The following BCHE variants were observed in gnomAD, a reference collection of about 807,000 sequenced individuals.
BCHE encodes butyrylcholinesterase.
A neutral mutation model predicts 51.3 loss-of-function variants in BCHE; 48 were observed. That is an observed-to-expected ratio of 0.94 (90% CI 0.74 to 1.19). BCHE has a LOEUF of 1.19. BCHE is among the 50% of genes most tolerant of loss of function. The pLI, the probability that BCHE is intolerant of heterozygous loss-of-function variation, is 0.00. For synonymous variants in BCHE, 251 were observed against 238.0 expected (o/e 1.05, Z -0.50); for missense variants, 847 against 708.2 (o/e 1.20, Z -2.23).
At chr3:165,808,036 T>C (rs1713934307) in intron 2 of BCHE, among the ~76,000 whole-genome samples, 1 of 152,048 alleles carries the variant, frequency 6.6e-6, no homozygotes, top group African/African-American at 2.4e-5. Flanking sequence ...CAGGCTGCAG[T>C]GCAGTGGCGC....
At chr3:165,785,169 A>C (rs147012714) in intron 3 of BCHE, among the ~76,000 whole-genome samples, 263 of 152,016 alleles carry the variant, frequency 1.7e-3, no homozygotes, top group African/African-American at 6.2e-3. Context: ...AAACTAGCCC[A>C]CAACTTATCT....
chr3:165,773,313 T>TA lies in BCHE; in HGVS notation c.*68dup, dbSNP rs1712326976. The stretch of plus-strand genomic sequence containing the variant: ...CATAATAACTTTTTTAGTAGGTGTG[T>TA]AAAAAAGCTCCTGATATTTTTGCCT... On this transcript the variant is annotated 3_prime_UTR_variant, in exon 4 of 4. Transcript: ENST00000264381. The TA allele has an allele frequency of 6.8e-7, 1 of 1,478,552 alleles. No homozygotes were observed. Among genetic ancestry groups the TA allele is most frequent in the Admixed American group, 1.9e-5 (1 of 54,032 alleles). 91.6% of individuals were successfully genotyped at this position (1,478,552 alleles called of 1,614,324 possible).
intron 2 of BCHE, among the ~76,000 whole-genome samples, chr3:165,808,835 T>A (rs1279667690): frequency 6.6e-6 from 1 of 152,128 alleles, no homozygotes; most frequent in Non-Finnish European, 1.5e-5. Flanking sequence ...TAATTTTGAA[T>A]CACATCTAGG....
Position 165,830,856 on chromosome 3 carries a change from G to T in BCHE, c.178C>A (p.Pro60Thr), listed in dbSNP as rs1467891843. Reference sequence around the variant, plus strand: ...CTACCAAGAGGTGGCTGTGCATAGGGAATTCCAAGAAAGGCTGTTACCGTG... The same window carrying T: ...CTACCAAGAGGTGGCTGTGCATAGGTAATTCCAAGAAAGGCTGTTACCGTG... ...GGTVTAFLGI[P>T]YAQPPLGRLR... The change falls in exon 2 of 4, where the codon CCC (proline) becomes ACC (threonine). Residue 60 changes from proline to threonine, a missense_variant. Transcript: ENST00000264381. The T allele has an allele frequency of 6.2e-7, 1 of 1,613,822 alleles. No homozygotes were observed. Among genetic ancestry groups the T allele is most frequent in the African/African-American group, 1.3e-5 (1 of 74,902 alleles).
chr3:165,786,253 G>A lies in BCHE; in HGVS notation c.1576C>T (p.Gln526Ter), dbSNP rs1057517144. 2 of 1,611,920 alleles carry A rather than the reference G, an allele frequency of 1.2e-6. No individual in the cohort carries two copies. The change falls in exon 3 of 4, where the codon CAA becomes TAA. Residue 526 changes from glutamine to a stop codon, truncating the protein, a stop_gained. Transcript: ENST00000264381. LOFTEE classifies it high-confidence loss of function. ...TCTGTATTCAAGGTTAGATATTTTT[G>A]TTCAGTGCTTTTGAAGACAGGCCAG... is the stretch of plus-strand genomic sequence containing the variant. The part of the protein sequence containing the change: ...TSWPVFKSTE[Q>*]KYLTLNTEST...
At chr3:165,798,513 G>A (rs1713510551) in intron 2 of BCHE, among the ~76,000 whole-genome samples, 1 of 152,072 alleles carries the variant, frequency 6.6e-6, no homozygotes, top group African/African-American at 2.4e-5. Context: ...TTATTATTCA[G>A]ATTATATAGA....
chr3:165,793,723 A>G (rs372731338), intron 2 of BCHE, among the ~76,000 whole-genome samples: 22 of 152,308 alleles, frequency 1.4e-4, no homozygotes, highest in South Asian at 6.2e-4. Context: ...TGTTGTGGCA[A>G]TCAGACACCC....
chr3:165,815,795 A>G (rs978618047), intron 2 of BCHE, among the ~76,000 whole-genome samples: 3 of 152,048 alleles, frequency 2.0e-5, no homozygotes, highest in African/African-American at 7.2e-5. Context: ...GACATTACAT[A>G]ATACTTCTAT....
At chr3:165,774,127 A>T (rs2686406) in intron 3 of BCHE, among the ~76,000 whole-genome samples, 1 of 151,958 alleles carries the variant, frequency 6.6e-6, no homozygotes, top group African/African-American at 2.4e-5. Context: ...ATATTGTTTA[A>T]GGAATAATGA....
chr3:165,808,905 A>T (rs763503446), intron 2 of BCHE, among the ~76,000 whole-genome samples: 2 of 152,228 alleles, frequency 1.3e-5, no homozygotes, highest in South Asian at 2.1e-4. Flanking sequence ...CATATACTGC[A>T]GAAAAATGCT....
Position 165,818,530 on chromosome 3 carries a change from A to C in BCHE, c.1517+10987T>G, listed in dbSNP as rs146552622. On this transcript the variant is annotated intron_variant, in intron 2 of 3. Coordinates refer to ENST00000264381, the MANE Select transcript of BCHE (RefSeq NM_000055.4). ...TTAGTTGTGTGACCTAAACTTTCCA[A>C]TCATCAGTAGCTTTCTTTGTAAAAT... Among the ~76,000 whole-genome samples, 9 of 152,278 alleles carry C rather than the reference A, an allele frequency of 5.9e-5. No individual in the cohort carries two copies. The East Asian group carries it at 1.7e-3, about 29-fold the overall frequency.
intron 2 of BCHE, among the ~76,000 whole-genome samples, chr3:165,808,174 A>G (rs904975086): frequency 6.6e-6 from 1 of 151,772 alleles, no homozygotes; most frequent in Admixed American, 6.6e-5. Flanking sequence ...TTTAGTAGAG[A>G]CGAGGTTTCA....
At chr3:165,834,483 T>C (rs1476092931) in intron 1 of BCHE, among the ~76,000 whole-genome samples, 1 of 151,950 alleles carries the variant, frequency 6.6e-6, no homozygotes, top group Non-Finnish European at 1.5e-5. Context: ...TACTTTAATA[T>C]AAAAATATGC....
At chr3:165,800,897 T>G (rs2108213901) in intron 2 of BCHE, among the ~76,000 whole-genome samples, 1 of 152,250 alleles carries the variant, frequency 6.6e-6, no homozygotes, top group South Asian at 2.1e-4. Flanking sequence ...ATAAATTGAT[T>G]AATAGATATT....
At chr3:165,836,092 T>A (rs758104436) in intron 1 of BCHE, among the ~76,000 whole-genome samples, 1 of 151,670 alleles carries the variant, frequency 6.6e-6, no homozygotes, top group Non-Finnish European at 1.5e-5. Flanking sequence ...ATGGAATACA[T>A]CCCAAACATA....
intron 1 of BCHE, among the ~76,000 whole-genome samples, chr3:165,833,828 A>G (rs558224199): frequency 4.6e-4 from 70 of 152,142 alleles, no homozygotes; most frequent in African/African-American, 1.3e-3. Flanking sequence ...TGGGAAGAAA[A>G]AGTGAATAAG....
At chr3:165,828,482 C>A (rs1203410443) in intron 2 of BCHE, among the ~76,000 whole-genome samples, 1 of 152,024 alleles carries the variant, frequency 6.6e-6, no homozygotes, top group Non-Finnish European at 1.5e-5. Flanking sequence ...CATACAGTAA[C>A]ATGAAATACA....
chr3:165,791,475 T>A (rs1231228253), intron 2 of BCHE, among the ~76,000 whole-genome samples: 1 of 152,126 alleles, frequency 6.6e-6, no homozygotes, highest in African/African-American at 2.4e-5. Context: ...ATTGAAATAA[T>A]TAGTCAGATC....
chr3:165,830,406 T>A lies in BCHE; in HGVS notation c.628A>T (p.Ile210Leu). 1 of 1,614,010 alleles carries A rather than the reference T, an allele frequency of 6.2e-7. No individual in the cohort carries two copies. Among genetic ancestry groups the A allele is most frequent in the Non-Finnish European group, 8.5e-7 (1 of 1,179,920 alleles). ...TTAGGATTTCCACCAAAGGCTGCTA[T>A]ATTTTTTTGAACCCACTGAAGAGCC... ...QLALQWVQKNIAAFGGNPKSV... is the reference protein window; with the variant it reads ...QLALQWVQKNLAAFGGNPKSV... The change falls in exon 2 of 4, where the codon ATA becomes TTA. Residue 210 changes from isoleucine (I) to leucine (L), a missense_variant. Physicochemically the swap from Ile to Leu is conservative, Grantham distance 5 (BLOSUM62 2). Coordinates refer to ENST00000264381, the MANE Select transcript of BCHE (RefSeq NM_000055.4).
Sources: allele counts gnomAD v4.1 joint callset (sites outside exome capture counted in the v4.1 genomes callset), GRCh38; gene constraint gnomAD v4.1.1; transcripts MANE v1.5; gene names NCBI Gene and HGNC (gene_info 2026-07-23, HGNC 2026-07-21).